The following BCAS3 variants were observed in gnomAD, a reference collection of about 807,000 sequenced individuals.
The protein encoded by BCAS3 is BCAS4/BCAS3 fusion.
BCAS3 carries 53 observed loss-of-function variants against 116.1 expected under a neutral mutation model. The observed-to-expected ratio is 0.46, with a 90% confidence interval of 0.37 to 0.57. The LOEUF is 0.57. Among genes scored for constraint, BCAS3 ranks in the 20% least tolerant of loss-of-function variants. BCAS3 has a pLI of 0.00. For missense variants in BCAS3, 917 were observed against 1,165.4 expected, an observed-to-expected ratio of 0.79 and a Z score of 3.10; for synonymous variants, 391 against 408.2, an observed-to-expected ratio of 0.96 and a Z score of 0.51.
At chr17:61,123,176 T>C (rs2075876038) in intron 22 of BCAS3, among the ~76,000 whole-genome samples, 1 of 151,884 alleles carries the variant, frequency 6.6e-6, no homozygotes, top group African/African-American at 2.4e-5. Context: ...CTCCTGACCT[T>C]AGGTGACCCA....
At chr17:60,678,698 A>G (rs1158065026) in intron 1 of BCAS3, among the ~76,000 whole-genome samples, 2 of 152,216 alleles carry the variant, frequency 1.3e-5, no homozygotes, top group African/African-American at 4.8e-5. Flanking sequence ...TGATTTACTC[A>G]TAGATTCCCA....
chr17:61,327,126 A>C lies in BCAS3; in HGVS notation c.2426-41201A>C, dbSNP rs1340651450. Reference sequence around the variant, plus strand: ...TGAGACCACCTGGCCAACATGGTGAAACCTCATCTCTACTAAAAATACAAA... The same window carrying C: ...TGAGACCACCTGGCCAACATGGTGACACCTCATCTCTACTAAAAATACAAA... On this transcript the variant is annotated intron_variant, in intron 22 of 23. Transcript: ENST00000407086. This position sits in a 1 kb window ranked among gnomAD's most constrained non-coding sequence, Gnocchi z 5.9. Among the ~76,000 whole-genome samples the C allele has an allele frequency of 2.6e-5, 4 of 152,194 alleles. No homozygotes were observed. Among genetic ancestry groups the C allele is most frequent in the African/African-American group, 9.6e-5 (4 of 41,544 alleles).
rs1246801557 is a variant in BCAS3, at chr17:61,149,573, CAT to C, written c.2425+65012_2425+65013del. 5.9e-5 allele frequency among the ~76,000 whole-genome samples: 9 copies of C among 152,156 alleles called. No homozygotes were observed. The East Asian group carries it at 9.7e-4, about 16-fold the overall frequency. On this transcript the variant is annotated intron_variant, in intron 22 of 23. Transcript: ENST00000407086. ...TGAACTTTTAAACAGTTTTGAGAAA[CAT>C]ATGAGAGATTTGTGAACAGGGGCAA...
In BCAS3 at chr17:61,026,843, A is replaced by G; in HGVS notation, c.1638-7823A>G. The G allele has an allele frequency of 5.7e-6, 9 of 1,585,784 alleles. No homozygotes were observed. The highest frequency in any genetic ancestry group is 7.7e-6 in the Non-Finnish European group (9 of 1,164,044). On this transcript the variant is annotated intron_variant, in intron 16 of 23. Coordinates refer to ENST00000407086, the MANE Select transcript of BCAS3 (RefSeq NM_017679.5). This position sits in a 1 kb window ranked among gnomAD's most constrained non-coding sequence, Gnocchi z 5.0. ...TGAGTTTTTCTCTAATTTTTTGTGC[A>G]TTTTTCCCCCTTTTCCATGAAGGCC...
intron 23 of BCAS3, chr17:61,384,436 G>T (rs2059750225): frequency 6.6e-6 from 1 of 152,310 alleles, no homozygotes; most frequent in Non-Finnish European, 1.5e-5. Context: ...CACTAGAGCA[G>T]ACCCTCCCCT....
chr17:60,922,104 C>A (rs996911831), intron 12 of BCAS3, among the ~76,000 whole-genome samples: 1 of 151,920 alleles, frequency 6.6e-6, no homozygotes. Flanking sequence ...TGAACAAAAT[C>A]TGACAAAATT....
chr17:61,115,297 A>G (rs1458053877), intron 22 of BCAS3, among the ~76,000 whole-genome samples: 1 of 152,248 alleles, frequency 6.6e-6, no homozygotes, highest in Admixed American at 6.5e-5. Context: ...ATCAGAGTCA[A>G]CAGGCAACCT....
intron 7 of BCAS3, among the ~76,000 whole-genome samples, chr17:60,860,261 A>T (rs1215095263): frequency 6.6e-6 from 1 of 152,200 alleles, no homozygotes; most frequent in Non-Finnish European, 1.5e-5. Flanking sequence ...GATGTTGAGC[A>T]TATTTTTCAT....
At chr17:60,906,857 G>T (rs1159245494) in intron 11 of BCAS3, among the ~76,000 whole-genome samples, 1 of 152,046 alleles carries the variant, frequency 6.6e-6, no homozygotes, top group South Asian at 2.1e-4. Flanking sequence ...TGTAGTATGT[G>T]CTCCTTAAGA....
At chr17:61,242,975 G>A (rs575505210) in intron 22 of BCAS3, among the ~76,000 whole-genome samples, 28 of 151,540 alleles carry the variant, frequency 1.8e-4, no homozygotes, top group African/African-American at 4.8e-4. Flanking sequence ...GCAATGGTGC[G>A]ATCTCGGCTC....
At chr17:60,837,652 CTTT>C (rs371521233) in intron 7 of BCAS3, among the ~76,000 whole-genome samples, 11 of 136,932 alleles carry the variant, frequency 8.0e-5, no homozygotes, top group African/African-American at 1.9e-4. Context: ...TTTCACAATA[CTTT>C]TTTTTTTTTT....
In BCAS3 at chr17:60,679,546, C is replaced by A; in HGVS notation, c.83+6C>A. The A allele has an allele frequency of 1.2e-6, 2 of 1,604,610 alleles. No individual in the cohort carries two copies. The highest frequency in any genetic ancestry group is 1.7e-6 in the Non-Finnish European group (2 of 1,172,028). ...GTTCGCCCCCAGGCTGTCACGTAAG[C>A]ACATTTCAGATAAACCCAATAGCTG... On this transcript the variant is annotated splice_donor_region_variant and intron_variant, in intron 2 of 23. Transcript: ENST00000407086.
At chr17:60,738,951 C>T (rs942650894) in intron 5 of BCAS3, among the ~76,000 whole-genome samples, 4 of 151,752 alleles carry the variant, frequency 2.6e-5, no homozygotes, top group African/African-American at 7.3e-5. Context: ...CTTTTTTTAT[C>T]TTTCATACTT....
At chr17:60,692,610 T>A (rs1470000265) in intron 4 of BCAS3, among the ~76,000 whole-genome samples, 1 of 149,428 alleles carries the variant, frequency 6.7e-6, no homozygotes, top group Non-Finnish European at 1.5e-5. Context: ...GGTGCTCACC[T>A]GTAGTCCCAG....
chr17:60,712,934 T>C (rs7213766), intron 5 of BCAS3, among the ~76,000 whole-genome samples: 15,646 of 152,182 alleles, frequency 0.1, 2,465 homozygotes, highest in African/African-American at 0.34. Flanking sequence ...ACTTGGGAAG[T>C]GGGACCTGAG....
At chr17:61,305,737 A>G (rs1375293900) in intron 22 of BCAS3, among the ~76,000 whole-genome samples, 2 of 152,128 alleles carry the variant, frequency 1.3e-5, no homozygotes, top group African/African-American at 4.8e-5. Context: ...CTCTACTAAA[A>G]ATACAAAAAT....
chr17:61,367,543 C>T lies in BCAS3; in HGVS notation c.2426-784C>T, dbSNP rs894566368. The stretch of plus-strand genomic sequence containing the variant: ...TCACCCACCTCCTTGCTGGTATCCC[C>T]CAAAGTAATTCCCTGGTTGTTCATA... On this transcript the variant is annotated intron_variant, in intron 22 of 23. Transcript: ENST00000407086. The surrounding 1 kb of genome is among the most constrained non-coding windows in gnomAD (Gnocchi z 6.2). The T allele has an allele frequency of 1.4e-4, 22 of 152,290 alleles. No individual in the cohort carries two copies. The highest frequency in any genetic ancestry group is 4.8e-4 in the African/African-American group (20 of 41,562). The allele number at this position is 152,290 out of a possible 1,614,324, so 9.4% of individuals were successfully genotyped here. A position where few individuals can be genotyped will look rare whatever the true frequency, so the allele number is the denominator to read the frequency against.
In BCAS3 at chr17:60,962,176, T is replaced by TTC. The variant is rs2061443625; in HGVS notation, c.1221+14825_1221+14826insCT. 6.6e-6 allele frequency among the ~76,000 whole-genome samples: 1 copy of TTC among 152,214 alleles called. No individual in the cohort carries two copies. Among genetic ancestry groups the TTC allele is most frequent in the African/African-American group, 2.4e-5 (1 of 41,462 alleles). ...TACAGATATCCCCTAGATGCATTGA[T>TTC]TTTCTTTCTTTTGGCTATATACCTG... On this transcript the variant is annotated intron_variant, in intron 14 of 23. Transcript: ENST00000407086. This position sits in a 1 kb window ranked among gnomAD's most constrained non-coding sequence, Gnocchi z 4.4.
rs1016968284 is a variant in BCAS3 at position 61,235,962 on chromosome 17, A to T, written c.2426-132365A>T. Among the ~76,000 whole-genome samples, 4 of 152,242 alleles carry T rather than the reference A, an allele frequency of 2.6e-5. No homozygotes were observed. The highest frequency in any genetic ancestry group is 9.6e-5 in the African/African-American group (4 of 41,462). On this transcript the variant is annotated intron_variant, in intron 22 of 23. Coordinates refer to ENST00000407086, the MANE Select transcript of BCAS3 (RefSeq NM_017679.5). The surrounding 1 kb of genome is among the most constrained non-coding windows in gnomAD (Gnocchi z 5.0). ...ACTCAAACAAAGGCTGATTATCCAA[A>T]CAAGAATTTGGACTGCAGCAGTCGG...
Sources: allele counts gnomAD v4.1 joint callset (sites outside exome capture counted in the v4.1 genomes callset), GRCh38; gene constraint gnomAD v4.1.1; non-coding constraint Gnocchi (gnomAD v3.1); transcripts MANE v1.5; gene names NCBI Gene and HGNC (gene_info 2026-07-23, HGNC 2026-07-21).